Variants in PLD5 observed in about 807,000 individuals in gnomAD.
The protein encoded by PLD5 is phospholipase D family member 5, also known as inactive phospholipase D5.
Under a neutral mutation model 61.1 loss-of-function variants are expected in PLD5, and 36 were observed. The ratio of observed to expected loss-of-function variants is 0.59; its 90% CI spans 0.45 to 0.78. The LOEUF (loss-of-function observed/expected upper bound fraction) is 0.78, where lower values mean the gene tolerates loss of function less well. Ranked by LOEUF, PLD5 falls within the 30% of genes least tolerant of loss-of-function variation. PLD5 has a pLI of 0.00. For synonymous variants in PLD5, 243 were observed against 242.8 expected, an observed-to-expected ratio of 1.00 and a Z score of -0.01; for missense variants, 515 against 644.4, an observed-to-expected ratio of 0.80 and a Z score of 2.17.
intron 4 of PLD5, among the ~76,000 whole-genome samples, chr1:242,222,567 C>T (rs1670664419): frequency 6.6e-6 from 1 of 152,210 alleles, no homozygotes. Context: ...TGAAACTCGG[C>T]CCCGTGGCCA....
intron 5 of PLD5, among the ~76,000 whole-genome samples, chr1:242,143,808 G>A (rs1031913972): frequency 5.9e-5 from 9 of 151,984 alleles, no homozygotes; most frequent in African/African-American, 2.2e-4. Flanking sequence ...CCCAAATGAC[G>A]ACATTCAAAT....
chr1:242,331,815 AG>A (rs1449978024), intron 2 of PLD5, among the ~76,000 whole-genome samples: 2 of 152,186 alleles, frequency 1.3e-5, no homozygotes, highest in Non-Finnish European at 2.9e-5. Context: ...TAATACTTCT[AG>A]AATCCTAGAG....
chr1:242,177,502 C>T (rs1430472336), intron 5 of PLD5, among the ~76,000 whole-genome samples: 1 of 151,982 alleles, frequency 6.6e-6, no homozygotes, highest in East Asian at 1.9e-4. Flanking sequence ...CACCATGGCA[C>T]GTGTGTACCT....
intron 6 of PLD5, among the ~76,000 whole-genome samples, chr1:242,119,874 A>G (rs1472589162): frequency 2.0e-5 from 3 of 152,206 alleles, no homozygotes; most frequent in Non-Finnish European, 2.9e-5. Flanking sequence ...CTGTACATGA[A>G]TATTTATAGC....
At chr1:242,487,021 T>A (rs1392686845) in intron 1 of PLD5, among the ~76,000 whole-genome samples, 3 of 151,574 alleles carry the variant, frequency 2.0e-5, no homozygotes, top group East Asian at 3.9e-4. Context: ...TAAGAACACA[T>A]GGACACCGGA....
In PLD5 at chr1:242,203,758, C is replaced by A. The variant is rs191676805; in HGVS notation, c.735+16230G>T. The A allele has an allele frequency of 8.7e-3, 1,327 of 152,360 alleles. 4 individuals carry two copies. The highest frequency in any genetic ancestry group is 0.012 in the Non-Finnish European group (843 of 68,080). The allele number at this position is 152,360 out of a possible 1,614,324, so 9.4% of individuals were successfully genotyped here. A position where few individuals can be genotyped will look rare whatever the true frequency, so the allele number is the denominator to read the frequency against. On this transcript the variant is annotated intron_variant, in intron 5 of 9. Transcript: ENST00000536534. ...CCTGCCAAAATGTGAGCCAATTAAACCTCTTTTCTTTATAAATTACCCAGT... is the reference window on the plus strand; with the variant it reads ...CCTGCCAAAATGTGAGCCAATTAAAACTCTTTTCTTTATAAATTACCCAGT...
chr1:242,236,137 G>A (rs1423025478), intron 4 of PLD5, among the ~76,000 whole-genome samples: 1 of 152,232 alleles, frequency 6.6e-6, no homozygotes, highest in Non-Finnish European at 1.5e-5. Flanking sequence ...AGGACACAGT[G>A]AGAAGATGGC....
chr1:242,500,956 A>G (rs1668536083), intron 1 of PLD5, among the ~76,000 whole-genome samples: 1 of 152,134 alleles, frequency 6.6e-6, no homozygotes. Context: ...CTAGAGTAGT[A>G]TCATTTAACG....
chr1:242,481,805 C>A (rs1667787177), intron 1 of PLD5, among the ~76,000 whole-genome samples: 1 of 152,180 alleles, frequency 6.6e-6, no homozygotes, highest in East Asian at 1.9e-4. Flanking sequence ...TGAGAGGCAC[C>A]CCCTAGTAGG....
intron 1 of PLD5, among the ~76,000 whole-genome samples, chr1:242,372,453 A>G (rs1015196592): frequency 6.6e-6 from 1 of 152,208 alleles, no homozygotes; most frequent in Non-Finnish European, 1.5e-5. Flanking sequence ...TTTAAAGTTC[A>G]TATGGAACCA....
Position 242,357,059 on chromosome 1 carries a change from A to AT in PLD5, c.190-8818dup, listed in dbSNP as rs139988668. Among the ~76,000 whole-genome samples the AT allele has an allele frequency of 2.8e-3, 415 of 150,162 alleles. 3 individuals carry two copies. Among genetic ancestry groups the AT allele is most frequent in the African/African-American group, 9.6e-3 (394 of 40,962 alleles). On this transcript the variant is annotated intron_variant, in intron 1 of 9. Transcript: ENST00000536534. ...AAATGTTATGTTACTAGTTAGAAGC[A>AT]TTTTTTTTTTTAGCTTAAAGAATTT...
chr1:242,284,119 CTTTTTTTTTTTTT>C (rs565165218), intron 3 of PLD5, among the ~76,000 whole-genome samples: 72 of 75,938 alleles, frequency 9.5e-4, no homozygotes, highest in Middle Eastern at 0.012. Context: ...TTTCTTTTTC[CTTTTTTTTTTTTT>C]TTTTTTTTTT....
At chr1:242,093,981 A>G (rs943583523) in intron 9 of PLD5, among the ~76,000 whole-genome samples, 6 of 140,030 alleles carry the variant, frequency 4.3e-5, no homozygotes, top group African/African-American at 1.6e-4. Context: ...ATGGCTCTGG[A>G]AAGCTTTCCA....
At chr1:242,307,509 G>C (rs545958920) in intron 2 of PLD5, among the ~76,000 whole-genome samples, 1 of 152,048 alleles carries the variant, frequency 6.6e-6, no homozygotes, top group Non-Finnish European at 1.5e-5. Context: ...ATGAGGTTTG[G>C]GCAACTGTGT....
chr1:242,267,910 G>A (rs975337274), intron 3 of PLD5, among the ~76,000 whole-genome samples: 1 of 151,186 alleles, frequency 6.6e-6, no homozygotes, highest in African/African-American at 2.4e-5. Context: ...AAAAGAGGCA[G>A]GAGGGGAGAG....
chr1:242,278,841 G>A (rs1225540535), intron 3 of PLD5, among the ~76,000 whole-genome samples: 1 of 152,196 alleles, frequency 6.6e-6, no homozygotes, highest in Non-Finnish European at 1.5e-5. Context: ...ATGGGAGGAT[G>A]CTAATTAACA....
At chr1:242,284,119 C>CTTTTTTTTTTT (rs565165218) in intron 3 of PLD5, among the ~76,000 whole-genome samples, 1 of 75,948 alleles carries the variant, frequency 1.3e-5, no homozygotes, top group Non-Finnish European at 2.3e-5. Flanking sequence ...TTTCTTTTTC[C>CTTTTTTTTTTT]TTTTTTTTTT....
At chr1:242,252,397 C>G (rs896091687) in intron 4 of PLD5, among the ~76,000 whole-genome samples, 4 of 152,156 alleles carry the variant, frequency 2.6e-5, no homozygotes, top group African/African-American at 9.7e-5. Context: ...CCAGGCAAGG[C>G]AGGAACTGCT....
intron 1 of PLD5, among the ~76,000 whole-genome samples, chr1:242,502,854 A>G (rs984262050): frequency 6.6e-6 from 1 of 152,140 alleles, no homozygotes; most frequent in Non-Finnish European, 1.5e-5. Flanking sequence ...TGAGGTCAGG[A>G]GTTTGAGACC....
Sources: gnomAD v4.1 joint callset for allele counts (sites outside exome capture counted in the v4.1 genomes callset) on GRCh38, gnomAD v4.1.1 for gene constraint, MANE v1.5 for transcripts, NCBI Gene and HGNC (gene_info 2026-07-23, HGNC 2026-07-21) for gene names.